Variants in TTK observed in about 807,000 individuals in gnomAD.
TTK encodes TTK protein kinase.
A neutral mutation model predicts 117.3 loss-of-function variants in TTK; 59 were observed. The ratio of observed to expected loss-of-function variants is 0.50; its 90% CI spans 0.41 to 0.62. The LOEUF is 0.62. TTK is among the 20% of genes least tolerant of loss of function. The pLI is 0.00. For missense variants in TTK, 921 were observed against 989.4 expected (o/e 0.93, Z 0.93); for synonymous variants, 302 against 325.0 (o/e 0.93, Z 0.76).
chr6:80,020,399 T>TA (rs976341879), intron 10 of TTK, among the ~76,000 whole-genome samples: 1 of 151,784 alleles, frequency 6.6e-6, no homozygotes, highest in African/African-American at 2.4e-5. Flanking sequence ...ATAAGAAAAA[T>TA]AAAAAAACAA....
chr6:80,019,172 T>G (rs1305636619), intron 10 of TTK, among the ~76,000 whole-genome samples: 1 of 152,202 alleles, frequency 6.6e-6, no homozygotes, highest in East Asian at 1.9e-4. Context: ...GGCGTTTTGT[T>G]TATAGACCCT....
chr6:80,022,586 A>G, intron 11 of TTK, 114 bp downstream of exon 11: 1 of 1,185,432 alleles, frequency 8.4e-7, no homozygotes, highest in South Asian at 1.7e-5. Context: ...TTAGTAGAAT[A>G]GTTTATTTAA....
chr6:80,019,821 A>G (rs1045013135), intron 10 of TTK, among the ~76,000 whole-genome samples: 3 of 152,208 alleles, frequency 2.0e-5, no homozygotes, highest in African/African-American at 7.2e-5. Context: ...AAACCCTGAC[A>G]TCTTAATATA....
chr6:80,011,637 G>C, intron 6 of TTK, 89 bp downstream of exon 6: 7 of 1,543,250 alleles, frequency 4.5e-6, no homozygotes, highest in Non-Finnish European at 6.2e-6. Flanking sequence ...CTGCATATAT[G>C]TTTTCATGTG....
intron 10 of TTK, among the ~76,000 whole-genome samples, chr6:80,016,993 T>C (rs1767323976): frequency 6.6e-6 from 1 of 152,224 alleles, no homozygotes; most frequent in Non-Finnish European, 1.5e-5. Flanking sequence ...AAGTGTTGTC[T>C]CCAGTAAGGA....
intron 2 of TTK, among the ~76,000 whole-genome samples, chr6:80,007,302 A>G (rs1188031781): frequency 6.6e-6 from 1 of 152,162 alleles, no homozygotes; most frequent in East Asian, 1.9e-4. Context: ...GTTTGGTTTT[A>G]CAAGTAAGTA....
At chr6:80,031,661 G>C (rs905431046) in intron 14 of TTK, 102 bp downstream of exon 14, 4 of 832,524 alleles carry the variant, frequency 4.8e-6, no homozygotes, top group Non-Finnish European at 5.2e-6. Flanking sequence ...ACTTCTAGGG[G>C]CGATGCTGCC....
chr6:80,012,371 T>A (rs1385548663), intron 8 of TTK, among the ~76,000 whole-genome samples: 1 of 151,948 alleles, frequency 6.6e-6, no homozygotes, highest in East Asian at 1.9e-4. Flanking sequence ...AAGGGGAGAA[T>A]CGCTGTCAGT....
At chr6:80,035,496 T>C in intron 16 of TTK, 79 bp downstream of exon 16, 2 of 1,376,056 alleles carry the variant, frequency 1.5e-6, no homozygotes, top group Non-Finnish European at 1.9e-6. Flanking sequence ...ACCTATAATT[T>C]TAGGGCATTG....
At chr6:80,005,358 AATT>A (rs1272385171) in intron 1 of TTK, among the ~76,000 whole-genome samples, 1 of 152,196 alleles carries the variant, frequency 6.6e-6, no homozygotes, top group Non-Finnish European at 1.5e-5. Flanking sequence ...CGGATTTCCT[AATT>A]ATCAGTAAAG....
intron 10 of TTK, among the ~76,000 whole-genome samples, chr6:80,019,963 T>G (rs147656699): frequency 1.4e-4 from 22 of 152,336 alleles, no homozygotes; most frequent in Non-Finnish European, 2.5e-4. Flanking sequence ...CATATGAACT[T>G]GAAAAGCATT....
intron 4 of TTK, 139 bp downstream of exon 4, chr6:80,008,631 A>T (rs1767059376): frequency 3.2e-6 from 2 of 622,860 alleles, no homozygotes; most frequent in Non-Finnish European, 5.2e-6. Context: ...TATGGGGAGA[A>T]AATGCCACCT....
chr6:80,037,258 A>G (rs13198886), intron 17 of TTK, among the ~76,000 whole-genome samples: 1,590 of 152,220 alleles, frequency 0.01, 11 homozygotes, highest in Non-Finnish European at 0.017. Flanking sequence ...GTTAGGAGGA[A>G]TGATGGACGA....
At position 80,041,413 on chromosome 6, in the gene TTK, T is replaced by G. The variant is rs79015666; in HGVS notation, c.2491-706T>G. Among the ~76,000 whole-genome samples, 54 of 151,928 alleles carry G rather than the reference T, an allele frequency of 3.6e-4. 1 individual carries two copies. In the East Asian group the frequency reaches 0.01, roughly 28 times the overall value. On this transcript the variant is annotated intron_variant, in intron 21 of 21. Coordinates refer to ENST00000369798, the MANE Select transcript of TTK (RefSeq NM_003318.5). ...TCACTATATTTGCATTTATATGATA[T>G]GAGGTACCTGTTTTCTTAAATTTTC...
chr6:80,021,459 C>G (rs1475798206), intron 10 of TTK, among the ~76,000 whole-genome samples: 1 of 152,182 alleles, frequency 6.6e-6, no homozygotes, highest in Non-Finnish European at 1.5e-5. Flanking sequence ...TGACTCAAGT[C>G]CGGCTCTTCA....
intron 18 of TTK, 93 bp downstream of exon 18, chr6:80,038,140 G>A (rs973582907): frequency 6.0e-5 from 52 of 873,560 alleles, no homozygotes; most frequent in Middle Eastern, 2.6e-4. Flanking sequence ...ATTTCTTTAA[G>A]TTCTAAAACT....
chr6:80,040,278 C>G lies in TTK; in HGVS notation c.2390C>G (p.Pro797Arg), dbSNP rs866800095. The G allele has an allele frequency of 1.3e-6, 2 of 1,577,812 alleles. No individual in the cohort carries two copies. The highest frequency in any genetic ancestry group is 2.4e-5 in the South Asian group (2 of 82,504). ...CCATATGTTCAAATTCAAACTCATCCAGGTACTACTTCTTTAAAAATTTGT... is the reference window on the plus strand; with the variant it reads ...CCATATGTTCAAATTCAAACTCATCGAGGTACTACTTCTTTAAAAATTTGT... ...AHPYVQIQTH[P>R]VNQMAKGTTE... Residue 797 changes from proline to arginine, a missense_variant and splice_region_variant, in exon 20 of 22, where the codon CCA becomes CGA. Transcript: ENST00000369798.
chr6:80,040,988 G>C (rs540088809), intron 21 of TTK, among the ~76,000 whole-genome samples: 1 of 151,800 alleles, frequency 6.6e-6, no homozygotes, highest in African/African-American at 2.4e-5. Context: ...GGAATATAGT[G>C]TGTCTTTTAA....
chr6:80,035,564 G>A, intron 16 of TTK, 147 bp downstream of exon 16: 2 of 912,332 alleles, frequency 2.2e-6, no homozygotes, highest in Non-Finnish European at 3.1e-6. Flanking sequence ...TAAAGATAAA[G>A]GAACAAAACC....
Sources: allele counts gnomAD v4.1 joint callset (sites outside exome capture counted in the v4.1 genomes callset), GRCh38; gene constraint gnomAD v4.1.1; transcripts MANE v1.5; gene names NCBI Gene and HGNC (gene_info 2026-07-23, HGNC 2026-07-21).